Variants in CPEB4 observed in about 807,000 individuals in gnomAD.
The protein encoded by CPEB4 is cytoplasmic polyadenylation element-binding protein 4.
A neutral mutation model predicts 72.5 loss-of-function variants in CPEB4; 12 were observed. The ratio of observed to expected loss-of-function variants is 0.17; its 90% CI spans 0.11 to 0.27. The LOEUF (loss-of-function observed/expected upper bound fraction) is 0.27. Among genes scored for constraint, CPEB4 ranks in the 10% least tolerant of loss-of-function variants. CPEB4 has a pLI of 1.00. For missense variants in CPEB4, 614 were observed against 908.5 expected, an observed-to-expected ratio of 0.68 and a Z score of 4.17; for synonymous variants, 302 against 326.3, an observed-to-expected ratio of 0.93 and a Z score of 0.80.
chr5:173,957,415 C>T lies in CPEB4; in HGVS notation c.*1278C>T, dbSNP rs1458857321. ...GGTACGTATGTTTATCTTACTCTTC[C>T]TATAAACTAAAATAACATTACAGTT... On this transcript the variant is annotated 3_prime_UTR_variant, in exon 10 of 10. Coordinates refer to ENST00000265085, the MANE Select transcript of CPEB4 (RefSeq NM_030627.4). 6.5e-6 allele frequency: 1 copy of T among 152,740 alleles called. No individual in the cohort carries two copies. The highest frequency in any genetic ancestry group is 1.5e-5 in the Non-Finnish European group (1 of 68,034). The allele number at this position is 152,740 out of a possible 1,614,324, so 9.5% of individuals were successfully genotyped here. A position where few individuals can be genotyped will look rare whatever the true frequency, so the allele number is the denominator to read the frequency against.
At chr5:173,911,953 T>C (rs1033357099) in intron 2 of CPEB4, among the ~76,000 whole-genome samples, 12 of 152,164 alleles carry the variant, frequency 7.9e-5, no homozygotes, top group Non-Finnish European at 1.6e-4. Flanking sequence ...TTTTATGTAT[T>C]TTTCAGTAGA....
At chr5:173,945,271 T>G in intron 5 of CPEB4, 131 bp downstream of exon 5, 3 of 715,336 alleles carry the variant, frequency 4.2e-6, no homozygotes, top group South Asian at 4.5e-5. Context: ...TCTTGTCCTA[T>G]CCTCCTATCA....
chr5:173,947,251 T>A (rs1307716612), intron 5 of CPEB4, among the ~76,000 whole-genome samples: 3 of 152,200 alleles, frequency 2.0e-5, no homozygotes, highest in Non-Finnish European at 4.4e-5. Context: ...TCATTTAAAT[T>A]GCAAAATGTG....
chr5:173,920,339 C>G (rs984303160), intron 2 of CPEB4, among the ~76,000 whole-genome samples: 2 of 152,164 alleles, frequency 1.3e-5, no homozygotes, highest in African/African-American at 4.8e-5. Context: ...GCTTGAGAAA[C>G]CAACAATAAA....
chr5:173,904,437 G>A (rs527513673), intron 1 of CPEB4, among the ~76,000 whole-genome samples: 31 of 152,176 alleles, frequency 2.0e-4, no homozygotes, highest in African/African-American at 7.5e-4. Context: ...CATCTCAATG[G>A]GGAAAAGGAA....
chr5:173,948,433 G>A (rs1249261093), intron 5 of CPEB4, among the ~76,000 whole-genome samples: 3 of 152,162 alleles, frequency 2.0e-5, no homozygotes, highest in African/African-American at 7.2e-5. Flanking sequence ...TACTTGGGAA[G>A]TTGAGGCAGC....
chr5:173,897,897 A>G (rs552784969), intron 1 of CPEB4, among the ~76,000 whole-genome samples: 1 of 152,318 alleles, frequency 6.6e-6, no homozygotes, highest in East Asian at 1.9e-4. Context: ...TTTACATTCT[A>G]TGACAAAATG....
rs575500575 is a variant in CPEB4, at chr5:173,961,116, G to A, written c.*4979G>A. On this transcript the variant is annotated 3_prime_UTR_variant, in exon 10 of 10. Transcript: ENST00000265085. ...TGCGTCTAAGTTGTCTTTCCCAACA[G>A]GCAGCTCTTCTAACTATAGAGATTA... 4.6e-5 allele frequency: 7 copies of A among 152,284 alleles called. No individual in the cohort carries two copies. The highest frequency in any genetic ancestry group is 1.7e-4 in the African/African-American group (7 of 41,558). 9.4% of individuals were successfully genotyped at this position (152,284 alleles called of 1,614,324 possible). A position where few individuals can be genotyped will look rare whatever the true frequency, so the allele number is the denominator to read the frequency against.
chr5:173,920,372 G>A (rs964052661), intron 2 of CPEB4, among the ~76,000 whole-genome samples: 2 of 152,168 alleles, frequency 1.3e-5, no homozygotes, highest in African/African-American at 4.8e-5. Flanking sequence ...ATTCTGAAGA[G>A]CAGCCCTGAT....
intron 2 of CPEB4, among the ~76,000 whole-genome samples, chr5:173,928,507 G>A (rs1757328958): frequency 6.6e-6 from 1 of 152,118 alleles, no homozygotes; most frequent in Admixed American, 6.5e-5. Context: ...ATGCAAATAT[G>A]CTTATATAAA....
Position 173,910,855 on chromosome 5 carries a change from A to G in CPEB4, c.1207+251A>G, listed in dbSNP as rs139382715. 4.5e-3 allele frequency: 1,911 copies of G among 423,292 alleles called. 11 individuals carry two copies. The highest frequency in any genetic ancestry group is 5.7e-3 in the Non-Finnish European group (1,349 of 237,294). 26.2% of individuals were successfully genotyped at this position (423,292 alleles called of 1,614,324 possible). A position where few individuals can be genotyped will look rare whatever the true frequency, so the allele number is the denominator to read the frequency against. On this transcript the variant is annotated intron_variant, in intron 2 of 9. Coordinates refer to ENST00000265085, the MANE Select transcript of CPEB4 (RefSeq NM_030627.4). ...TTGCCAAGAATGGGCAATTATCTCA[A>G]AGACACCAACTACATACCTTATTAT...
intron 4 of CPEB4, 35 bp downstream of exon 4, chr5:173,943,084 G>A (rs909931278): frequency 8.1e-6 from 13 of 1,605,364 alleles, no homozygotes; most frequent in Non-Finnish European, 1.1e-5. Context: ...TGTATCACTT[G>A]TATTTGGAGA....
intron 5 of CPEB4, 59 bp downstream of exon 5, chr5:173,945,199 AC>A (rs1757978486): frequency 1.4e-6 from 2 of 1,430,706 alleles, no homozygotes; most frequent in Admixed American, 1.8e-5. Context: ...TAGGAAACTC[AC>A]AGATAGTGTT....
At chr5:173,937,384 G>A (rs1186833106) in intron 3 of CPEB4, among the ~76,000 whole-genome samples, 1 of 152,098 alleles carries the variant, frequency 6.6e-6, no homozygotes, top group Non-Finnish European at 1.5e-5. Flanking sequence ...AAAAGAGGAA[G>A]ATTGTTTGCT....
chr5:173,908,358 A>C (rs1259781971), intron 1 of CPEB4, among the ~76,000 whole-genome samples: 1 of 152,192 alleles, frequency 6.6e-6, no homozygotes, highest in Non-Finnish European at 1.5e-5. Flanking sequence ...GGAGGGAGTC[A>C]TACCAGTTTA....
chr5:173,890,574 C>T lies in CPEB4; in HGVS notation c.841C>T (p.Pro281Ser), dbSNP rs768464847. Reference protein sequence around the residue: ...LPHLANNLNKPPSPWSSYQSP... With the variant: ...LPHLANNLNKSPSPWSSYQSP... ...TCATTTGGCGAATAATCTTAACAAA[C>T]CCCCCTCTCCGTGGAGCAGCTACCA... The change falls in exon 1 of 10, where the codon CCC becomes TCC. Residue 281 changes from proline to serine, a missense_variant. Pro to Ser is a moderately conservative substitution (Grantham distance 74). Coordinates refer to ENST00000265085, the MANE Select transcript of CPEB4 (RefSeq NM_030627.4). The T allele has an allele frequency of 1.9e-6, 3 of 1,613,984 alleles. No individual in the cohort carries two copies. The highest frequency in any genetic ancestry group is 1.7e-5 in the Admixed American group (1 of 59,996).
Position 173,955,774 on chromosome 5 carries a change from A to C in CPEB4, c.1963-136A>C. 4 of 616,210 alleles carry C rather than the reference A, an allele frequency of 6.5e-6. No individual in the cohort carries two copies. The highest frequency in any genetic ancestry group is 1.1e-5 in the Non-Finnish European group (4 of 357,514). 38.2% of individuals were successfully genotyped at this position (616,210 alleles called of 1,614,324 possible). ...TTAAAAGATGAACTATCCATATTTCAGTAAATGAATAATTAGTCCTTCCTC... is the reference window on the plus strand; with the variant it reads ...TTAAAAGATGAACTATCCATATTTCCGTAAATGAATAATTAGTCCTTCCTC... On this transcript the variant is annotated intron_variant, in intron 9 of 9. Transcript: ENST00000265085. This position sits in a 1 kb window ranked among gnomAD's most constrained non-coding sequence, Gnocchi z 4.7.
intron 2 of CPEB4, 184 bp downstream of exon 2, chr5:173,910,788 G>T: frequency 3.6e-6 from 2 of 548,084 alleles, no homozygotes; most frequent in South Asian, 4.8e-5. Flanking sequence ...CTCTATAGTG[G>T]AGCCATCGTG....
Position 173,888,748 on chromosome 5 carries a change from TG to T in CPEB4, c.-983del. ...CTGAGGGAACTGAACAAACCGCCCC[TG>T]GGTCCCATGAGGGAAAAAAACCCCG... On this transcript the variant is annotated 5_prime_UTR_variant, in exon 1 of 10. Coordinates refer to ENST00000265085, the MANE Select transcript of CPEB4 (RefSeq NM_030627.4). This position sits in a 1 kb window ranked among gnomAD's most constrained non-coding sequence, Gnocchi z 4.3. The T allele has an allele frequency of 2.6e-6, 1 of 383,516 alleles. No homozygotes were observed. The highest frequency in any genetic ancestry group is 4.6e-6 in the Non-Finnish European group (1 of 216,884). 23.8% of individuals were successfully genotyped at this position (383,516 alleles called of 1,614,324 possible). A position where few individuals can be genotyped will look rare whatever the true frequency, so the allele number is the denominator to read the frequency against.
Sources: gnomAD v4.1 joint callset for allele counts (sites outside exome capture counted in the v4.1 genomes callset) on GRCh38, gnomAD v4.1.1 for gene constraint, Gnocchi (gnomAD v3.1) non-coding constraint, MANE v1.5 for transcripts, NCBI Gene and HGNC (gene_info 2026-07-23, HGNC 2026-07-21) for gene names.